PRELID2: variants seen among roughly 807,000 people sequenced by gnomAD.
PRELID2 encodes the protein PRELI domain containing 2, also known as PRELI domain-containing protein 2.
A neutral mutation model predicts 28.4 loss-of-function variants in PRELID2; 25 were observed. The observed-to-expected ratio is 0.88, with a 90% CI of 0.64 to 1.23. The LOEUF (loss-of-function observed/expected upper bound fraction) is 1.23. PRELID2 is among the 50% of genes most tolerant of loss of function. The probability of loss-of-function intolerance (pLI) is 0.00; values close to 1 mark genes in which losing one functional copy is unlikely to be tolerated. For missense variants in PRELID2, 201 were observed against 214.4 expected, an observed-to-expected ratio of 0.94 and a Z score of 0.39; for synonymous variants, 76 against 71.6, an observed-to-expected ratio of 1.06 and a Z score of -0.31.
At chr5:145,464,696 T>C in the PRELID2 span, among the ~76,000 whole-genome samples, 1 of 152,160 alleles carries the variant, frequency 6.6e-6, no homozygotes. Context: ...GTTACTTATC[T>C]GTTTTTCTCA....
chr5:145,782,713 C>T (rs1751715669), intron 5 of PRELID2, among the ~76,000 whole-genome samples: 1 of 152,140 alleles, frequency 6.6e-6, no homozygotes, highest in Admixed American at 6.5e-5. Flanking sequence ...TATTTTATTG[C>T]CATCTCAACC....
chr5:145,318,391 T>C, the PRELID2 span, among the ~76,000 whole-genome samples: 1 of 152,218 alleles, frequency 6.6e-6, no homozygotes, highest in Non-Finnish European at 1.5e-5. Context: ...ATATGAAATG[T>C]ATTATGTCTA....
intron 1 of PRELID2, among the ~76,000 whole-genome samples, chr5:145,720,447 G>A (rs759517793): frequency 4.0e-5 from 6 of 151,824 alleles, no homozygotes; most frequent in Non-Finnish European, 7.4e-5. Flanking sequence ...GAAGCAAGCA[G>A]TATTTGCAAG....
At chr5:145,721,601 C>T (rs899741869) in intron 1 of PRELID2, among the ~76,000 whole-genome samples, 1 of 152,006 alleles carries the variant, frequency 6.6e-6, no homozygotes, top group Non-Finnish European at 1.5e-5. Context: ...ATAGATCAAA[C>T]ATAACAAGGA....
At chr5:145,392,974 TCTC>T in the PRELID2 span, among the ~76,000 whole-genome samples, 2 of 152,186 alleles carry the variant, frequency 1.3e-5, no homozygotes, top group Non-Finnish European at 2.9e-5. Context: ...AGGGCTTTAA[TCTC>T]CTGCTCCATC....
intron 1 of PRELID2, among the ~76,000 whole-genome samples, chr5:145,579,535 T>C (rs146295742): frequency 1.9e-3 from 295 of 152,224 alleles, no homozygotes; most frequent in African/African-American, 6.7e-3. Context: ...TCAGGTTTAT[T>C]GAATACATAA....
chr5:145,272,759 A>C, the PRELID2 span, among the ~76,000 whole-genome samples: 7 of 152,194 alleles, frequency 4.6e-5, no homozygotes, highest in African/African-American at 1.7e-4. Flanking sequence ...GACCATTGAT[A>C]GATGATATCA....
chr5:145,539,017 C>A (rs1752724096), intron 1 of PRELID2, among the ~76,000 whole-genome samples: 1 of 151,884 alleles, frequency 6.6e-6, no homozygotes, highest in Non-Finnish European at 1.5e-5. Context: ...AGCAACCTGA[C>A]TTGTAAGAAT....
Position 145,784,183 on chromosome 5 carries a change from T to C in PRELID2, c.474+12259A>G, listed in dbSNP as rs113331273. On this transcript the variant is annotated intron_variant, in intron 5 of 6. Coordinates refer to ENST00000683046, the MANE Select transcript of PRELID2 (RefSeq NM_205846.3). ...CCTGTAGTCTCAGCTACTTGGGAGG[T>C]TGAGGCACAAGAATTGTTTGAATCT... 7.4e-5 allele frequency among the ~76,000 whole-genome samples: 11 copies of C among 149,052 alleles called. 1 individual carries two copies. The highest frequency in any genetic ancestry group is 2.7e-4 in the African/African-American group (11 of 40,518).
At chr5:145,833,356 G>A (rs1046905001) in intron 1 of PRELID2, among the ~76,000 whole-genome samples, 18 of 152,136 alleles carry the variant, frequency 1.2e-4, no homozygotes, top group Non-Finnish European at 4.4e-5. Flanking sequence ...TCTTGATGAT[G>A]ACAATCCAAA....
chr5:145,338,257 T>A, the PRELID2 span: 1 of 152,232 alleles, frequency 6.6e-6, no homozygotes, highest in Non-Finnish European at 1.5e-5. Flanking sequence ...CAGGCACAGA[T>A]ACACTCTTAT....
chr5:145,603,127 A>G (rs1753422651), intron 1 of PRELID2, among the ~76,000 whole-genome samples: 1 of 150,466 alleles, frequency 6.6e-6, no homozygotes, highest in East Asian at 1.9e-4. Flanking sequence ...GACCTCACAT[A>G]CATGTAATTG....
intron 5 of PRELID2, among the ~76,000 whole-genome samples, chr5:145,766,193 G>C (rs1446046681): frequency 6.6e-6 from 1 of 152,182 alleles, no homozygotes; most frequent in Non-Finnish European, 1.5e-5. Flanking sequence ...CATGGGAAAG[G>C]GAGCTGCTAT....
At chr5:145,693,942 C>T (rs1755203891) in intron 1 of PRELID2, among the ~76,000 whole-genome samples, 1 of 152,160 alleles carries the variant, frequency 6.6e-6, no homozygotes, top group Non-Finnish European at 1.5e-5. Context: ...TTTGAGGCAG[C>T]AAAAATCATG....
In PRELID2 at chr5:145,757,873, C is replaced by A. The variant is rs1259856866; in HGVS notation, c.*2663G>T. Among the ~76,000 whole-genome samples the A allele has an allele frequency of 2.7e-5, 4 of 149,060 alleles. No individual in the cohort carries two copies. The highest frequency in any genetic ancestry group is 7.4e-5 in the African/African-American group (3 of 40,432). On this transcript the variant is annotated 3_prime_UTR_variant, in exon 7 of 7. Transcript: ENST00000683046. The stretch of plus-strand genomic sequence containing the variant: ...TAAGCCATATATGTGAAGCTGGAAG[C>A]AATAGCTGCCTGCAGGGGGAAAATT...
chr5:145,596,099 C>CAAAAAAAAAAAAAAA lies in PRELID2; in HGVS notation n.71-122799_71-122785dup, dbSNP rs552746530. On this transcript the variant is annotated intron_variant and non_coding_transcript_variant, in intron 1 of 2. Transcript: ENST00000510259. ...TGGGTGACAGAGTGAGAGCCTGTCT[C>CAAAAAAAAAAAAAAA]AAAAAAAAAAAAAAAAAAAAGTCTG... Among the ~76,000 whole-genome samples, 59 of 43,954 alleles carry CAAAAAAAAAAAAAAA rather than the reference C, an allele frequency of 1.3e-3. 3 individuals are homozygous for CAAAAAAAAAAAAAAA. Among genetic ancestry groups the CAAAAAAAAAAAAAAA allele is most frequent in the African/African-American group, 4.9e-3 (51 of 10,390 alleles). The allele number at this position is 43,954 out of a possible 152,430, so 28.8% of individuals were successfully genotyped here. A position where few individuals can be genotyped will look rare whatever the true frequency, so the allele number is the denominator to read the frequency against.
chr5:145,585,806 TG>T (rs1299834167), intron 1 of PRELID2, among the ~76,000 whole-genome samples: 1 of 152,016 alleles, frequency 6.6e-6, no homozygotes, highest in Non-Finnish European at 1.5e-5. Context: ...TGGGACAGAA[TG>T]GGGTGGGGTG....
chr5:145,711,157 T>G (rs1755683746), intron 1 of PRELID2, among the ~76,000 whole-genome samples: 1 of 152,142 alleles, frequency 6.6e-6, no homozygotes, highest in Non-Finnish European at 1.5e-5. Flanking sequence ...AGTACACAAT[T>G]TAACTGAACA....
At chr5:145,614,162 T>C (rs1753662133) in intron 1 of PRELID2, among the ~76,000 whole-genome samples, 1 of 152,254 alleles carries the variant, frequency 6.6e-6, no homozygotes, top group African/African-American at 2.4e-5. Context: ...TTCTCTATTC[T>C]GTTCCACTGG....
Sources: allele counts gnomAD v4.1 joint callset (sites outside exome capture counted in the v4.1 genomes callset), GRCh38; gene constraint gnomAD v4.1.1; transcripts MANE v1.5; gene names NCBI Gene and HGNC (gene_info 2026-07-23, HGNC 2026-07-21).